The following AMPH variants were observed in gnomAD, a reference collection of about 807,000 sequenced individuals.
AMPH encodes amphiphysin (Stiff-Mann syndrome with breast cancer 128kD autoantigen).
A neutral mutation model predicts 99.1 loss-of-function variants in AMPH; 49 were observed. The observed-to-expected ratio is 0.49, with a 90% CI of 0.39 to 0.63. The LOEUF is 0.63. Among genes scored for constraint, AMPH ranks in the 20% least tolerant of loss-of-function variants. The probability of loss-of-function intolerance (pLI) is 0.00; values close to 1 mark genes in which losing one functional copy is unlikely to be tolerated. For missense variants in AMPH, 759 were observed against 863.4 expected, an observed-to-expected ratio of 0.88 and a Z score of 1.52; for synonymous variants, 314 against 317.3, an observed-to-expected ratio of 0.99 and a Z score of 0.11.
intron 7 of AMPH, among the ~76,000 whole-genome samples, chr7:38,468,433 A>T (rs1787749972): frequency 6.6e-6 from 1 of 152,206 alleles, no homozygotes; most frequent in Admixed American, 6.5e-5. Context: ...CCATTCTTCT[A>T]TATTTCAATT....
At chr7:38,388,983 T>C (rs189640674) in intron 20 of AMPH, among the ~76,000 whole-genome samples, 1 of 152,292 alleles carries the variant, frequency 6.6e-6, no homozygotes, top group Admixed American at 6.5e-5. Context: ...TTTATTGTGG[T>C]AGAGACTGCT....
intron 1 of AMPH, among the ~76,000 whole-genome samples, chr7:38,571,414 ATATT>A (rs1245528677): frequency 8.2e-4 from 56 of 68,088 alleles, no homozygotes; most frequent in Non-Finnish European, 1.3e-3. Flanking sequence ...TAGAATATAT[ATATT>A]TATATATAGA....
chr7:38,516,593 C>A (rs1362852023), intron 2 of AMPH, among the ~76,000 whole-genome samples: 1 of 152,186 alleles, frequency 6.6e-6, no homozygotes, highest in Non-Finnish European at 1.5e-5. Context: ...TAGGGCAGTG[C>A]CAAGAAGAAA....
intron 2 of AMPH, among the ~76,000 whole-genome samples, chr7:38,534,420 C>A (rs1043500510): frequency 1.3e-5 from 2 of 152,198 alleles, no homozygotes; most frequent in African/African-American, 4.8e-5. Flanking sequence ...CACCTGTAAT[C>A]CCAACACTTT....
intron 2 of AMPH, among the ~76,000 whole-genome samples, chr7:38,510,732 C>T (rs1224200107): frequency 6.6e-6 from 1 of 152,136 alleles, no homozygotes; most frequent in Non-Finnish European, 1.5e-5. Flanking sequence ...TGCTCTCCCA[C>T]CTCTGTGCCC....
intron 1 of AMPH, among the ~76,000 whole-genome samples, chr7:38,607,998 T>A (rs1272288612): frequency 6.6e-6 from 1 of 152,202 alleles, no homozygotes; most frequent in Non-Finnish European, 1.5e-5. Flanking sequence ...TTTTTTTAAA[T>A]TTTTTTCCAT....
At chr7:38,517,446 T>C (rs1283869867) in intron 2 of AMPH, among the ~76,000 whole-genome samples, 1 of 152,210 alleles carries the variant, frequency 6.6e-6, no homozygotes, top group East Asian at 1.9e-4. Flanking sequence ...ACCTCCTTCC[T>C]CTTCACCTTC....
At chr7:38,621,182 A>G (rs1047580720) in intron 1 of AMPH, among the ~76,000 whole-genome samples, 2 of 152,180 alleles carry the variant, frequency 1.3e-5, no homozygotes, top group African/African-American at 4.8e-5. Flanking sequence ...CTTGAAATCT[A>G]CCTACTTTAA....
chr7:38,480,854 G>C (rs192295827), intron 5 of AMPH, among the ~76,000 whole-genome samples: 19 of 152,268 alleles, frequency 1.2e-4, no homozygotes, highest in Admixed American at 1.2e-3. Flanking sequence ...CTTCCTTATG[G>C]ACTTGCCTTC....
At chr7:38,387,784 TAAA>T (rs528120700) in intron 20 of AMPH, among the ~76,000 whole-genome samples, 1 of 136,564 alleles carries the variant, frequency 7.3e-6, no homozygotes. Context: ...ATGAAGACCA[TAAA>T]AAAAAAAAAC....
intron 1 of AMPH, among the ~76,000 whole-genome samples, chr7:38,561,937 G>T (rs1231082512): frequency 6.8e-6 from 1 of 147,944 alleles, no homozygotes; most frequent in Non-Finnish European, 1.5e-5. Context: ...AAAAAAAAAA[G>T]TGTTGTTACT....
At chr7:38,578,506 A>C (rs889276815) in intron 1 of AMPH, among the ~76,000 whole-genome samples, 1 of 152,204 alleles carries the variant, frequency 6.6e-6, no homozygotes, top group African/African-American at 2.4e-5. Flanking sequence ...TCACATCTGT[A>C]ATCTCAACCC....
intron 1 of AMPH, among the ~76,000 whole-genome samples, chr7:38,536,387 T>C (rs1024483553): frequency 8.5e-5 from 13 of 152,242 alleles, no homozygotes; most frequent in African/African-American, 3.1e-4. Flanking sequence ...TATAATGTTA[T>C]ATTAATAAAT....
At chr7:38,538,111 C>T (rs1431693400) in intron 1 of AMPH, among the ~76,000 whole-genome samples, 1 of 152,174 alleles carries the variant, frequency 6.6e-6, no homozygotes, top group Non-Finnish European at 1.5e-5. Context: ...TAGTTTGTTG[C>T]TAGAGTTAAT....
At chr7:38,533,767 T>C (rs1207390190) in intron 2 of AMPH, among the ~76,000 whole-genome samples, 1 of 152,178 alleles carries the variant, frequency 6.6e-6, no homozygotes, top group Admixed American at 6.5e-5. Context: ...TCTGACTTTA[T>C]AATGCGCAAA....
At position 38,475,399 on chromosome 7, in the gene AMPH, C is replaced by G. The variant is rs773354632; in HGVS notation, c.522G>C (p.Gln174His). 6.2e-7 allele frequency: 1 copy of G among 1,612,578 alleles called. No homozygotes were observed. The highest frequency in any genetic ancestry group is 2.2e-5 in the East Asian group (1 of 44,758). ...SRISKAEEEF[Q>H]KAQKVFEEFN... ...ACTCTTCAAACACTTTCTGTGCTTT[C>G]TGAAATTCTTCTTCTGCCTAGGAAT... Residue 174 changes from glutamine (Q) to histidine (H), a missense_variant, in exon 7 of 21, where the codon CAG (glutamine) becomes CAC (histidine). Transcript: ENST00000356264.
chr7:38,453,706 C>A (rs1562765829), intron 11 of AMPH, among the ~76,000 whole-genome samples: 1 of 152,224 alleles, frequency 6.6e-6, no homozygotes, highest in African/African-American at 2.4e-5. Context: ...GTTGTCTCTA[C>A]TTCAGTTGCC....
At chr7:38,418,542 A>G (rs941090085) in intron 16 of AMPH, among the ~76,000 whole-genome samples, 1 of 152,262 alleles carries the variant, frequency 6.6e-6, no homozygotes, top group African/African-American at 2.4e-5. Context: ...GTCACCATGA[A>G]GCTAGTGTTC....
intron 2 of AMPH, among the ~76,000 whole-genome samples, chr7:38,506,060 T>C: frequency 6.6e-6 from 1 of 152,190 alleles, no homozygotes. Flanking sequence ...GCTCCTGCCA[T>C]TTCTTTCCTC....
Sources: gnomAD v4.1 joint callset for allele counts (sites outside exome capture counted in the v4.1 genomes callset) on GRCh38, gnomAD v4.1.1 for gene constraint, MANE v1.5 for transcripts, NCBI Gene and HGNC (gene_info 2026-07-23, HGNC 2026-07-21) for gene names.